PCDH9: variants seen among roughly 807,000 people sequenced by gnomAD.
The protein encoded by PCDH9 is protocadherin 9.
PCDH9 carries 24 observed loss-of-function variants against 70.6 expected under a neutral mutation model. The observed-to-expected ratio is 0.34, with a 90% CI of 0.25 to 0.48. The LOEUF is 0.48. Ranked by LOEUF, PCDH9 falls within the 20% of genes least tolerant of loss-of-function variation. PCDH9 has a pLI of 0.99. For missense variants in PCDH9, 1,281 were observed against 1,503.6 expected (o/e 0.85, Z 2.45); for synonymous variants, 562 against 558.5 (o/e 1.01, Z -0.09).
chr13:67,151,510 A>C (rs2087660360), intron 2 of PCDH9, among the ~76,000 whole-genome samples: 1 of 152,126 alleles, frequency 6.6e-6, no homozygotes, highest in Admixed American at 6.6e-5. Flanking sequence ...TGCCTGAAAA[A>C]AAATAGGCAT....
intron 2 of PCDH9, among the ~76,000 whole-genome samples, chr13:66,963,621 G>A (rs979404111): frequency 1.9e-4 from 29 of 151,934 alleles, no homozygotes; most frequent in South Asian, 6.2e-4. Flanking sequence ...CCCTTTTCCC[G>A]TTTAAATAAT....
At chr13:66,412,401 C>G (rs1164221977) in intron 4 of PCDH9, among the ~76,000 whole-genome samples, 4 of 152,190 alleles carry the variant, frequency 2.6e-5, no homozygotes, top group African/African-American at 9.7e-5. Flanking sequence ...TTAAGAGAAA[C>G]ATGTCTGATA....
chr13:66,899,060 TACTC>T (rs906340558), intron 3 of PCDH9, among the ~76,000 whole-genome samples: 4 of 152,034 alleles, frequency 2.6e-5, no homozygotes, highest in African/African-American at 7.2e-5. Context: ...GCACCCCTCT[TACTC>T]ACCATTTGAC....
chr13:66,874,741 A>T (rs2081766312), intron 3 of PCDH9, among the ~76,000 whole-genome samples: 1 of 152,304 alleles, frequency 6.6e-6, no homozygotes, highest in Non-Finnish European at 1.5e-5. Flanking sequence ...TTCTCATTTA[A>T]CAAGATAAGA....
chr13:67,007,529 A>C (rs990912881), intron 2 of PCDH9, among the ~76,000 whole-genome samples: 68 of 152,332 alleles, frequency 4.5e-4, no homozygotes, highest in African/African-American at 1.5e-3. Context: ...CTTCTGCATC[A>C]GTTATTTGTG....
intron 4 of PCDH9, among the ~76,000 whole-genome samples, chr13:66,462,933 A>G (rs1352451201): frequency 6.6e-6 from 1 of 151,826 alleles, no homozygotes; most frequent in Non-Finnish European, 1.5e-5. Flanking sequence ...AATTGTGAGG[A>G]AAAAAACCTA....
At chr13:67,043,999 C>T (rs145130056) in intron 2 of PCDH9, among the ~76,000 whole-genome samples, 1 of 152,198 alleles carries the variant, frequency 6.6e-6, no homozygotes, top group Non-Finnish European at 1.5e-5. Flanking sequence ...TTGGTTTAGG[C>T]CAGCCAATTC....
At chr13:66,776,236 T>C (rs994619452) in intron 3 of PCDH9, among the ~76,000 whole-genome samples, 8 of 151,096 alleles carry the variant, frequency 5.3e-5, no homozygotes, top group African/African-American at 1.9e-4. Context: ...GGATGCCCTC[T>C]CTCACCGCTC....
intron 2 of PCDH9, among the ~76,000 whole-genome samples, chr13:67,086,482 TA>T (rs1352019017): frequency 6.6e-6 from 1 of 152,192 alleles, no homozygotes; most frequent in African/African-American, 2.4e-5. Flanking sequence ...CTCCCAGTGA[TA>T]AACTCACATG....
chr13:67,175,327 A>G (rs1410479606), intron 2 of PCDH9, among the ~76,000 whole-genome samples: 2 of 152,146 alleles, frequency 1.3e-5, no homozygotes, highest in African/African-American at 4.8e-5. Context: ...ACCCATCACA[A>G]TCTAAAAATA....
chr13:66,584,274 G>A (rs140340678), intron 4 of PCDH9, among the ~76,000 whole-genome samples: 21 of 152,140 alleles, frequency 1.4e-4, no homozygotes, highest in African/African-American at 4.1e-4. Flanking sequence ...TTAATAGAAC[G>A]CACTGAATCA....
At chr13:66,334,202 C>CT (rs1024466815) in intron 4 of PCDH9, among the ~76,000 whole-genome samples, 2 of 152,098 alleles carry the variant, frequency 1.3e-5, no homozygotes, top group Non-Finnish European at 2.9e-5. Flanking sequence ...CCCCACTACC[C>CT]TTCCCAGCCT....
chr13:66,850,894 T>G (rs2139454534), intron 3 of PCDH9, among the ~76,000 whole-genome samples: 1 of 152,322 alleles, frequency 6.6e-6, no homozygotes, highest in Non-Finnish European at 1.5e-5. Flanking sequence ...CTTCTCAAGT[T>G]ATATCACAGT....
At chr13:67,096,200 A>T (rs2086315789) in intron 2 of PCDH9, among the ~76,000 whole-genome samples, 1 of 152,128 alleles carries the variant, frequency 6.6e-6, no homozygotes, top group Admixed American at 6.5e-5. Flanking sequence ...AATCGTGTGT[A>T]TGTGTTGGGG....
intron 2 of PCDH9, among the ~76,000 whole-genome samples, chr13:66,965,106 A>C (rs2083410159): frequency 6.6e-6 from 1 of 152,036 alleles, no homozygotes; most frequent in South Asian, 2.1e-4. Flanking sequence ...CACAGTTTAA[A>C]ATAAAATAAT....
chr13:66,507,479 G>A (rs1959242261), intron 4 of PCDH9, among the ~76,000 whole-genome samples: 1 of 152,002 alleles, frequency 6.6e-6, no homozygotes, highest in Non-Finnish European at 1.5e-5. Context: ...TATCTCCTTT[G>A]TCAGGAAAAC....
chr13:66,887,951 C>A (rs1324556476), intron 3 of PCDH9, among the ~76,000 whole-genome samples: 1 of 152,114 alleles, frequency 6.6e-6, no homozygotes, highest in African/African-American at 2.4e-5. Flanking sequence ...GATAAAGGTA[C>A]ATTGTTATAT....
chr13:67,113,349 A>C (rs1406975358), intron 2 of PCDH9, among the ~76,000 whole-genome samples: 2 of 152,228 alleles, frequency 1.3e-5, no homozygotes, highest in Non-Finnish European at 2.9e-5. Flanking sequence ...AGGGCAAAGA[A>C]AAATGTTTAA....
chr13:66,342,771 G>A (rs927384899), intron 4 of PCDH9, among the ~76,000 whole-genome samples: 27 of 117,982 alleles, frequency 2.3e-4, no homozygotes, highest in African/African-American at 7.0e-4. Context: ...CACCACATCC[G>A]GCTGATTTAT....
Sources: gnomAD v4.1 joint callset for allele counts (sites outside exome capture counted in the v4.1 genomes callset) on GRCh38, gnomAD v4.1.1 for gene constraint, MANE v1.5 for transcripts, NCBI Gene and HGNC (gene_info 2026-07-23, HGNC 2026-07-21) for gene names.